LZIC: variants seen among roughly 807,000 people sequenced by gnomAD.
LZIC encodes leucine zipper and CTNNBIP1 domain containing, also known as protein LZIC.
In LZIC, 28 loss-of-function variants were observed where a neutral mutation model predicts 25.4. The ratio of observed to expected loss-of-function variants is 1.10; its 90% CI spans 0.82 to 1.51. The LOEUF is 1.51. LZIC is among the 40% of genes most tolerant of loss of function. The pLI is 0.00. For synonymous variants in LZIC, 65 were observed against 70.7 expected (o/e 0.92, Z 0.40); for missense variants, 170 against 211.1 (o/e 0.81, Z 1.21).
downstream of LZIC, among the ~76,000 whole-genome samples, chr1:9,925,946 T>G (rs201816268): frequency 6.1e-4 from 79 of 130,018 alleles, no homozygotes; most frequent in East Asian, 7.1e-3. Flanking sequence ...CAGGCTGGAG[T>G]GCAGTTGTGC....
intron 5 of LZIC, among the ~76,000 whole-genome samples, chr1:9,933,604 T>C (rs1640330283): frequency 6.6e-6 from 1 of 151,964 alleles, no homozygotes; most frequent in Non-Finnish European, 1.5e-5. Flanking sequence ...ACAAAGGGGA[T>C]GAATAAAATA....
intron 5 of LZIC, among the ~76,000 whole-genome samples, chr1:9,933,770 G>A (rs1640337445): frequency 6.6e-6 from 1 of 151,950 alleles, no homozygotes; most frequent in Non-Finnish European, 1.5e-5. Context: ...GTGGGGTGTG[G>A]TGGTGTTGTG....
intron 4 of LZIC, among the ~76,000 whole-genome samples, 188 bp from the exon 5 acceptor site, chr1:9,935,048 C>T (rs1272483734): frequency 6.6e-6 from 1 of 152,016 alleles, no homozygotes; most frequent in African/African-American, 2.4e-5. Flanking sequence ...CTAGAAGTTA[C>T]ACCTTGGGAG....
intron 2 of LZIC, among the ~76,000 whole-genome samples, chr1:9,937,476 C>T (rs1444389564): frequency 1.3e-5 from 2 of 151,392 alleles, no homozygotes; most frequent in Non-Finnish European, 2.9e-5. Context: ...ACCTGGGAGG[C>T]AGAGGTTGCA....
downstream of LZIC, chr1:9,922,436 A>G: frequency 3.9e-6 from 2 of 512,872 alleles, no homozygotes; most frequent in Non-Finnish European, 5.0e-6. Flanking sequence ...GGCTTTGGCA[A>G]TATCCTAGAT....
At chr1:9,924,687 C>A (rs568966723), downstream of LZIC, among the ~76,000 whole-genome samples, 1 of 151,942 alleles carries the variant, frequency 6.6e-6, no homozygotes, top group Non-Finnish European at 1.5e-5. Flanking sequence ...GATGGCATTC[C>A]GCCACATTGC....
chr1:9,939,936 C>T (rs1197963412), intron 2 of LZIC, among the ~76,000 whole-genome samples: 9 of 151,966 alleles, frequency 5.9e-5, no homozygotes, highest in Non-Finnish European at 1.0e-4. Context: ...CTGGCCGACA[C>T]GGCGAAACCC....
intron 5 of LZIC, among the ~76,000 whole-genome samples, chr1:9,934,117 T>G (rs1640353529): frequency 6.6e-6 from 1 of 151,354 alleles, no homozygotes; most frequent in Non-Finnish European, 1.5e-5. Context: ...TAGTCCCAGC[T>G]ACTCAGGAGG....
At chr1:9,941,561 A>G (rs1640737571) in intron 2 of LZIC, among the ~76,000 whole-genome samples, 1 of 143,850 alleles carries the variant, frequency 7.0e-6, no homozygotes, top group Non-Finnish European at 1.5e-5. Context: ...GTGCAGTGGC[A>G]CGATCTCGGC....
Position 9,934,739 on chromosome 1 carries a change from A to C in LZIC, c.336+23T>G, listed in dbSNP as rs768816323. 15 of 1,593,068 alleles carry C rather than the reference A, an allele frequency of 9.4e-6. No homozygotes were observed. In the East Asian group the frequency reaches 3.4e-4, roughly 36 times the overall value. On this transcript the variant is annotated intron_variant, in intron 5 of 7. Coordinates refer to ENST00000377223, the MANE Select transcript of LZIC (RefSeq NM_032368.5). ...AGGAAATGAAAAACACACAGCAACC[A>C]AATCAATTTAAAGAAATTTTACCTC... is the stretch of plus-strand genomic sequence containing the variant.
intron 2 of LZIC, among the ~76,000 whole-genome samples, chr1:9,937,695 A>C (rs1017875617): frequency 1.3e-5 from 2 of 151,462 alleles, no homozygotes; most frequent in African/African-American, 4.9e-5. Context: ...AAGAATAGAC[A>C]ATCTTAGCTA....
At chr1:9,922,319 T>C, downstream of LZIC, 1 of 985,268 alleles carries the variant, frequency 1.0e-6, no homozygotes, top group Non-Finnish European at 1.2e-6. Context: ...TTTGCTGGGG[T>C]GTGAGTCTAG....
At chr1:9,923,438 G>GACC (rs1320934415), downstream of LZIC, among the ~76,000 whole-genome samples, 6 of 151,086 alleles carry the variant, frequency 4.0e-5, no homozygotes, top group African/African-American at 1.2e-4. Context: ...TCGAACTCCT[G>GACC]ACCTTAGGTG....
intron 2 of LZIC, among the ~76,000 whole-genome samples, chr1:9,942,413 G>A (rs1323744358): frequency 6.6e-6 from 1 of 152,116 alleles, no homozygotes; most frequent in African/African-American, 2.4e-5. Context: ...ATTTTAAGGA[G>A]CTAAAGCTAT....
At position 9,927,259 on chromosome 1, in the gene LZIC, TATA is replaced by T. The variant is rs1640014296; in HGVS notation, c.*3137_*3139del. On this transcript the variant is annotated 3_prime_UTR_variant, in exon 8 of 8. Coordinates refer to ENST00000377223, the MANE Select transcript of LZIC (RefSeq NM_032368.5). ...GACAAAATATTTCAGATGCTGGACT[TATA>T]GAAAGTTTAAGGAAAACCAAGATTA... Among the ~76,000 whole-genome samples the T allele has an allele frequency of 6.6e-6, 1 of 152,178 alleles. No individual in the cohort carries two copies. The highest frequency in any genetic ancestry group is 1.5e-5 in the Non-Finnish European group (1 of 68,028).
In LZIC at chr1:9,927,493, G is replaced by A. The variant is rs1375360051; in HGVS notation, c.*2906C>T. 6.6e-6 allele frequency among the ~76,000 whole-genome samples: 1 copy of A among 151,186 alleles called. No homozygotes were observed. Among genetic ancestry groups the A allele is most frequent in the African/African-American group, 2.4e-5 (1 of 41,114 alleles). On this transcript the variant is annotated 3_prime_UTR_variant, in exon 8 of 8. Coordinates refer to ENST00000377223, the MANE Select transcript of LZIC (RefSeq NM_032368.5). ...ATTTTTTTTTTTTTTTTAGAGACAGGGTTTCACCATGTTGGCCAGGCTGGT... is the reference window on the plus strand; with the variant it reads ...ATTTTTTTTTTTTTTTTAGAGACAGAGTTTCACCATGTTGGCCAGGCTGGT...
downstream of LZIC, among the ~76,000 whole-genome samples, chr1:9,925,540 C>T (rs571131179): frequency 5.8e-4 from 88 of 152,298 alleles, no homozygotes; most frequent in Non-Finnish European, 1.0e-3. Context: ...CAGTTGACAG[C>T]CTCAGACCTC....
downstream of LZIC, among the ~76,000 whole-genome samples, chr1:9,925,085 G>A (rs181814198): frequency 1.5e-3 from 230 of 151,506 alleles, no homozygotes; most frequent in African/African-American, 5.2e-3. Context: ...GCCGAGGTGG[G>A]CAGATCACCT....
rs1640284671 is a variant in LZIC, at chr1:9,932,802, C to T, written c.432+1G>A. 1.3e-6 allele frequency: 2 copies of T among 1,553,726 alleles called. No individual in the cohort carries two copies. The highest frequency in any genetic ancestry group is 1.1e-5 in the South Asian group (1 of 89,724). ...GTAACTAATATATTAAATACTGGTA[C>T]CTTCTCTCCAAGTTTCCTAAGAGCT... On this transcript the variant is annotated splice_donor_variant, in intron 6 of 7. Coordinates refer to ENST00000377223, the MANE Select transcript of LZIC (RefSeq NM_032368.5). LOFTEE classifies it high-confidence loss of function.
Sources: allele counts gnomAD v4.1 joint callset (sites outside exome capture counted in the v4.1 genomes callset), GRCh38; gene constraint gnomAD v4.1.1; transcripts MANE v1.5; gene names NCBI Gene and HGNC (gene_info 2026-07-23, HGNC 2026-07-21).